Variants in LRP1B observed in about 807,000 individuals in gnomAD.
LRP1B encodes the protein low-density lipoprotein receptor-related protein 1B.
Under a neutral mutation model 556.6 loss-of-function variants are expected in LRP1B, and 217 were observed. The ratio of observed to expected loss-of-function variants is 0.39; its 90% CI spans 0.35 to 0.44. The LOEUF (loss-of-function observed/expected upper bound fraction) is 0.44, where lower values mean the gene tolerates loss of function less well. Ranked by LOEUF, LRP1B falls within the 20% of genes least tolerant of loss-of-function variation. LRP1B has a pLI of 1.00. For synonymous variants in LRP1B, 2,047 were observed against 1,865.8 expected (o/e 1.10, Z -2.50); for missense variants, 5,053 against 5,620.8 (o/e 0.90, Z 3.23).
At chr2:141,247,557 C>T (rs1014614130) in intron 4 of LRP1B, among the ~76,000 whole-genome samples, 1 of 152,088 alleles carries the variant, frequency 6.6e-6, no homozygotes, top group African/African-American at 2.4e-5. Flanking sequence ...CAAACAATAT[C>T]AAATCATGTA....
intron 43 of LRP1B, among the ~76,000 whole-genome samples, chr2:140,550,441 A>G (rs1680506454): frequency 6.6e-6 from 1 of 152,168 alleles, no homozygotes; most frequent in Non-Finnish European, 1.5e-5. Context: ...CTTTTTAGAG[A>G]GGAAAGGAAA....
chr2:141,301,467 G>C (rs906186133), intron 3 of LRP1B, among the ~76,000 whole-genome samples: 16 of 152,068 alleles, frequency 1.1e-4, no homozygotes, highest in Admixed American at 3.3e-4. Flanking sequence ...AAACCTCTCA[G>C]ATCACATACA....
At chr2:141,137,450 C>T (rs1701518498) in intron 7 of LRP1B, among the ~76,000 whole-genome samples, 1 of 151,810 alleles carries the variant, frequency 6.6e-6, no homozygotes, top group African/African-American at 2.4e-5. Flanking sequence ...GTAAAGGTTT[C>T]CAGGAACTGC....
At chr2:140,818,567 G>A (rs1033051542) in intron 31 of LRP1B, among the ~76,000 whole-genome samples, 2 of 152,144 alleles carry the variant, frequency 1.3e-5, no homozygotes, top group African/African-American at 4.8e-5. Context: ...ATTACATGGA[G>A]AAGGATTCAC....
chr2:141,870,604 A>T (rs1698551753), intron 1 of LRP1B, among the ~76,000 whole-genome samples: 1 of 151,932 alleles, frequency 6.6e-6, no homozygotes, highest in South Asian at 2.1e-4. Context: ...TTACAAATTC[A>T]CTCTTGCTTG....
intron 1 of LRP1B, among the ~76,000 whole-genome samples, chr2:142,081,359 C>A (rs1705708699): frequency 6.6e-6 from 1 of 151,586 alleles, no homozygotes; most frequent in South Asian, 2.1e-4. Flanking sequence ...CTTTATTGAC[C>A]CACATTTTAC....
At chr2:141,560,868 A>G (rs755391070) in intron 2 of LRP1B, among the ~76,000 whole-genome samples, 17 of 151,620 alleles carry the variant, frequency 1.1e-4, no homozygotes, top group Non-Finnish European at 2.2e-4. Flanking sequence ...TATTTTCCCC[A>G]TAATCATTAA....
intron 3 of LRP1B, among the ~76,000 whole-genome samples, chr2:141,439,780 T>A (rs1680891087): frequency 6.6e-6 from 1 of 152,194 alleles, no homozygotes; most frequent in East Asian, 1.9e-4. Context: ...CAGTACTGAT[T>A]ATTGAAAATA....
At chr2:140,922,005 A>G (rs996686650) in intron 21 of LRP1B, among the ~76,000 whole-genome samples, 1 of 152,058 alleles carries the variant, frequency 6.6e-6, no homozygotes, top group Non-Finnish European at 1.5e-5. Flanking sequence ...TTGAAAAACA[A>G]TTTCACATCA....
intron 2 of LRP1B, among the ~76,000 whole-genome samples, chr2:141,657,109 G>A (rs1320647523): frequency 6.6e-6 from 1 of 151,984 alleles, no homozygotes; most frequent in East Asian, 1.9e-4. Context: ...ACTGATTTTA[G>A]GAGACAGTTC....
intron 2 of LRP1B, among the ~76,000 whole-genome samples, chr2:141,538,732 C>T (rs190970798): frequency 6.6e-6 from 1 of 152,094 alleles, no homozygotes; most frequent in Non-Finnish European, 1.5e-5. Context: ...CTCCACCTCC[C>T]GATTCAAGCA....
chr2:140,367,406 AAACT>A (rs1366407425), intron 71 of LRP1B, among the ~76,000 whole-genome samples: 1 of 151,762 alleles, frequency 6.6e-6, no homozygotes. Flanking sequence ...GAGAACCACC[AAACT>A]AAGAAACAGA....
chr2:141,734,101 T>TA (rs950477229), intron 2 of LRP1B, among the ~76,000 whole-genome samples: 15 of 151,836 alleles, frequency 9.9e-5, no homozygotes, highest in Admixed American at 3.9e-4. Context: ...ATCTTGAAAT[T>TA]AAAAAAAATT....
At chr2:141,177,548 G>T (rs1392758563) in intron 7 of LRP1B, among the ~76,000 whole-genome samples, 1 of 152,128 alleles carries the variant, frequency 6.6e-6, no homozygotes, top group Non-Finnish European at 1.5e-5. Context: ...TATTGAACCT[G>T]CAGATTTAAA....
At chr2:140,961,995 A>G (rs76573948) in intron 18 of LRP1B, among the ~76,000 whole-genome samples, 3,551 of 152,280 alleles carry the variant, frequency 0.023, 68 homozygotes, top group South Asian at 0.035. Context: ...CTATTATACT[A>G]TCTACTATTT....
chr2:140,773,795 A>G (rs189637567), intron 33 of LRP1B, among the ~76,000 whole-genome samples: 34 of 152,064 alleles, frequency 2.2e-4, no homozygotes, highest in Admixed American at 5.9e-4. Context: ...ATGAATTCTT[A>G]GTTACAATAA....
chr2:140,841,753 A>G (rs1229071700), intron 29 of LRP1B, among the ~76,000 whole-genome samples: 1 of 152,206 alleles, frequency 6.6e-6, no homozygotes, highest in Non-Finnish European at 1.5e-5. Flanking sequence ...GACATCTTTT[A>G]AAACAATTAT....
chr2:141,590,177 T>A (rs1405547311), intron 2 of LRP1B, among the ~76,000 whole-genome samples: 2 of 152,120 alleles, frequency 1.3e-5, no homozygotes, highest in East Asian at 3.9e-4. Context: ...CAAACAATTA[T>A]TGGTGATGGT....
chr2:141,827,210 G>C (rs1696963109), intron 1 of LRP1B, among the ~76,000 whole-genome samples: 1 of 152,210 alleles, frequency 6.6e-6, no homozygotes, highest in Non-Finnish European at 1.5e-5. Flanking sequence ...CAATTTCATA[G>C]ACAGAAGTTC....
Sources: allele counts gnomAD v4.1 joint callset (sites outside exome capture counted in the v4.1 genomes callset), GRCh38; gene constraint gnomAD v4.1.1; transcripts MANE v1.5; gene names NCBI Gene and HGNC (gene_info 2026-07-23, HGNC 2026-07-21).